Variants in MROH2A observed in about 807,000 individuals in gnomAD.
The protein encoded by MROH2A is maestro heat like repeat family member 2A, also known as maestro heat-like repeat-containing protein family member 2A.
A neutral mutation model predicts 200.4 loss-of-function variants in MROH2A; 174 were observed. The observed-to-expected ratio is 0.87, with a 90% CI of 0.77 to 0.98. The LOEUF (loss-of-function observed/expected upper bound fraction) is 0.98, where lower values mean the gene tolerates loss of function less well. MROH2A is among the 50% of genes least tolerant of loss of function. MROH2A has a pLI of 0.00. For missense variants in MROH2A, 2,045 were observed against 2,139.6 expected (o/e 0.96, Z 0.87); for synonymous variants, 829 against 840.4 (o/e 0.99, Z 0.23).
chr2:233,786,078 C>G (rs528451578), intron 3 of MROH2A, among the ~76,000 whole-genome samples: 1 of 152,244 alleles, frequency 6.6e-6, no homozygotes, highest in South Asian at 2.1e-4. Flanking sequence ...ATAAGTCTCA[C>G]GAGATCTGAT....
intron 7 of MROH2A, among the ~76,000 whole-genome samples, chr2:233,794,122 T>C (rs1177310806): frequency 6.6e-6 from 1 of 152,056 alleles, no homozygotes; most frequent in Admixed American, 6.5e-5. Context: ...ACCCACTCTG[T>C]GATATAGGAC....
rs1703859669 is a variant in MROH2A at position 233,820,404 on chromosome 2, G to A, written c.3512+348G>A. ...GCTGCAGGGTGCGGCTCCAAGGCAT[G>A]AGCAAGCCCTGGATATATTCCAGGC... On this transcript the variant is annotated intron_variant, in intron 31 of 41. Transcript: ENST00000389758. This position sits in a 1 kb window ranked among gnomAD's most constrained non-coding sequence, Gnocchi z 4.1. Among the ~76,000 whole-genome samples, 1 of 152,206 alleles carries A rather than the reference G, an allele frequency of 6.6e-6. No individual in the cohort carries two copies. The highest frequency in any genetic ancestry group is 2.4e-5 in the African/African-American group (1 of 41,456).
rs1189709453 is a variant in MROH2A, at chr2:233,822,118, G to A, written c.3513-6G>A. On this transcript the variant is annotated splice_polypyrimidine_tract_variant and splice_region_variant and intron_variant, in intron 31 of 41. Transcript: ENST00000389758. ...CTCACAGTCCTTGTGCCCTGACTTT[G>A]GTTAGCCACCTGGCAGAGGTGTGGC... 6.5e-7 allele frequency: 1 copy of A among 1,547,586 alleles called. No individual in the cohort carries two copies.
chr2:233,818,825 G>A lies in MROH2A; in HGVS notation c.3204+55G>A, dbSNP rs182968105. ...CAGGCTGGTCTCAGGGCCCTTGGCC[G>A]TCTCTCAGGGAGGGAGGCCTTCCTG... On this transcript the variant is annotated intron_variant, in intron 29 of 41. Coordinates refer to ENST00000389758, the MANE Select transcript of MROH2A (RefSeq NM_001394639.1). 3.7e-4 allele frequency: 439 copies of A among 1,197,058 alleles called. No individual in the cohort carries two copies. The African/African-American group carries it at 5.8e-3, about 16-fold the overall frequency. The allele number at this position is 1,197,058 out of a possible 1,614,324, so 74.2% of individuals were successfully genotyped here.
chr2:233,779,397 T>G lies in MROH2A; in HGVS notation c.39T>G (p.Ser13Arg), dbSNP rs749869219. 1 of 1,550,020 alleles carries G rather than the reference T, an allele frequency of 6.5e-7. No homozygotes were observed. Among genetic ancestry groups the G allele is most frequent in the Non-Finnish European group, 8.7e-7 (1 of 1,146,436 alleles). The change falls in exon 2 of 42, where the codon AGT becomes AGG. Residue 13 changes from serine (S) to arginine (R), a missense_variant. Around this residue, in one of 3 missense-constraint regions of MROH2A, gnomAD observed 831 missense variants for 800.0 expected, o/e 1.04. Coordinates refer to ENST00000389758, the MANE Select transcript of MROH2A (RefSeq NM_001394639.1). ...EAITEAAVASSEEVSEERDDL... is the reference protein window; with the variant it reads ...EAITEAAVASREEVSEERDDL... The stretch of plus-strand genomic sequence containing the variant: ...TTACAGAAGCAGCAGTAGCCTCAAG[T>G]GAGGAGGTGTCAGAGGAAAGAGACG...
intron 27 of MROH2A, among the ~76,000 whole-genome samples, chr2:233,817,402 G>A (rs969796139): frequency 6.6e-6 from 1 of 152,118 alleles, no homozygotes; most frequent in East Asian, 1.9e-4. Context: ...GGTCTGGGGC[G>A]CAGGGATGGG....
At chr2:233,777,955 C>T (rs6731543), upstream of MROH2A, among the ~76,000 whole-genome samples, 459 of 152,290 alleles carry the variant, frequency 3.0e-3, 3 homozygotes, top group African/African-American at 0.01. Flanking sequence ...TCCTGCAAGT[C>T]ATCCAGTCCC....
chr2:233,811,691 A>G (rs1167637397), intron 23 of MROH2A, among the ~76,000 whole-genome samples, 189 bp from the exon 24 acceptor site: 3 of 152,222 alleles, frequency 2.0e-5, no homozygotes, highest in Admixed American at 6.5e-5. Context: ...GCCCAGGCCC[A>G]CTTTGGGCCC....
In MROH2A at chr2:233,793,732, TACCC is replaced by T. The variant is rs777858207; in HGVS notation, c.731_734del (p.Tyr244SerfsTer2). 143 of 1,495,288 alleles carry T rather than the reference TACCC, an allele frequency of 9.6e-5. 5 individuals carry two copies. In the South Asian group the frequency reaches 1.5e-3, roughly 16 times the overall value. 92.6% of individuals were successfully genotyped at this position (1,495,288 alleles called of 1,614,324 possible). A position where few individuals can be genotyped will look rare whatever the true frequency, so the allele number is the denominator to read the frequency against. On this transcript the variant is annotated frameshift_variant, in exon 7 of 42. Transcript: ENST00000389758. LOFTEE classifies it high-confidence loss of function. ...TCTGAAGCACCTGGAGGAGAGCGTG[TACCC>T]CGTGATGACTGAGGAGGAGTTTGCC... is the stretch of plus-strand genomic sequence containing the variant.
At chr2:233,783,800 A>G (rs1030016045) in intron 3 of MROH2A, among the ~76,000 whole-genome samples, 3 of 152,198 alleles carry the variant, frequency 2.0e-5, no homozygotes, top group African/African-American at 4.8e-5. Flanking sequence ...TCGGCCGCCC[A>G]AAGTGCTGGG....
Position 233,807,292 on chromosome 2 carries a change from T to C in MROH2A, c.2053-131T>C, listed in dbSNP as rs1382502969. On this transcript the variant is annotated intron_variant, in intron 19 of 41. Coordinates refer to ENST00000389758, the MANE Select transcript of MROH2A (RefSeq NM_001394639.1). This position sits in a 1 kb window ranked among gnomAD's most constrained non-coding sequence, Gnocchi z 4.3. ...TTTGCACTTGTGAATTGTGCTGCTG[T>C]AAACGTGTGTGCAAGTATCTTCTGC... is the stretch of plus-strand genomic sequence containing the variant. 1.7e-5 allele frequency: 17 copies of C among 1,029,062 alleles called. No individual in the cohort carries two copies. Among genetic ancestry groups the C allele is most frequent in the Admixed American group, 3.0e-5 (1 of 33,762 alleles). The allele number at this position is 1,029,062 out of a possible 1,614,324, so 63.7% of individuals were successfully genotyped here.
At chr2:233,786,392 G>C (rs1019405581) in intron 3 of MROH2A, among the ~76,000 whole-genome samples, 1 of 152,186 alleles carries the variant, frequency 6.6e-6, no homozygotes, top group African/African-American at 2.4e-5. Flanking sequence ...TGGCTCTCCT[G>C]TGCATGCGCA....
intron 26 of MROH2A, among the ~76,000 whole-genome samples, chr2:233,815,069 A>G (rs1703425455): frequency 6.6e-6 from 1 of 152,194 alleles, no homozygotes; most frequent in South Asian, 2.1e-4. Flanking sequence ...TTCAAATTTC[A>G]TGAATTGCCC....
chr2:233,797,409 C>A (rs1469601256), intron 11 of MROH2A, among the ~76,000 whole-genome samples: 1 of 152,118 alleles, frequency 6.6e-6, no homozygotes, highest in Non-Finnish European at 1.5e-5. Flanking sequence ...AAATGTTTTT[C>A]TGTAGGGAAT....
intron 1 of MROH2A, 92 bp from the exon 2 acceptor site, chr2:233,779,253 G>A (rs879561424): frequency 5.2e-6 from 4 of 770,108 alleles, no homozygotes; most frequent in Non-Finnish European, 8.9e-6. Flanking sequence ...ACACCCTCAA[G>A]GGGATGGCTT....
chr2:233,814,097 G>A (rs1703351616), intron 25 of MROH2A, among the ~76,000 whole-genome samples: 1 of 152,186 alleles, frequency 6.6e-6, no homozygotes. Flanking sequence ...CATCCTCAGT[G>A]CATGAATCCC....
At chr2:233,829,426 C>T (rs559511484) in intron 37 of MROH2A, among the ~76,000 whole-genome samples, 194 bp from the exon 38 acceptor site, 8 of 152,238 alleles carry the variant, frequency 5.3e-5, no homozygotes, top group African/African-American at 9.6e-5. Context: ...AGGGAAGAGG[C>T]GGGCACAAAG....
At chr2:233,824,567 G>A (rs1704177373) in intron 35 of MROH2A, among the ~76,000 whole-genome samples, 1 of 152,226 alleles carries the variant, frequency 6.6e-6, no homozygotes, top group Non-Finnish European at 1.5e-5. Context: ...AGGGCCAGGC[G>A]CAGGTGCTGG....
Position 233,793,778 on chromosome 2 carries a change from T to C in MROH2A, c.776T>C (p.Met259Thr), listed in dbSNP as rs937080126. Residue 259 changes from methionine (M) to threonine (T), a missense_variant, in exon 7 of 42, where the codon ATG becomes ACG. Coordinates refer to ENST00000389758, the MANE Select transcript of MROH2A (RefSeq NM_001394639.1). ...EEEFALKVFP[M>T]YRYFVTVWLR... is the part of the protein sequence containing the mutation. ...GAGTTTGCCCTGAAGGTGTTCCCCA[T>C]GTATCGCTACTTCGTGACAGTGTGG... is the stretch of plus-strand genomic sequence containing the variant. 2 of 1,490,518 alleles carry C rather than the reference T, an allele frequency of 1.3e-6. 1 individual carries two copies. The allele number at this position is 1,490,518 out of a possible 1,614,324, so 92.3% of individuals were successfully genotyped here.
Sources: allele counts gnomAD v4.1 joint callset (sites outside exome capture counted in the v4.1 genomes callset), GRCh38; gene constraint gnomAD v4.1.1; regional missense constraint gnomAD v4.1.1; non-coding constraint Gnocchi (gnomAD v3.1); transcripts MANE v1.5; gene names NCBI Gene and HGNC (gene_info 2026-07-23, HGNC 2026-07-21).